Variants in RBFOX1 observed in about 807,000 individuals in gnomAD.
RBFOX1 encodes RNA binding fox-1 homolog 1.
In RBFOX1, 8 loss-of-function variants were observed where a neutral mutation model predicts 57.7. The observed-to-expected ratio is 0.14, with a 90% CI of 0.08 to 0.25. The LOEUF is 0.25. Among genes scored for constraint, RBFOX1 ranks in the 10% least tolerant of loss-of-function variants. The pLI, the probability that RBFOX1 is intolerant of heterozygous loss-of-function variation, is 1.00. For synonymous variants in RBFOX1, 326 were observed against 222.4 expected, an observed-to-expected ratio of 1.47 and a Z score of -4.15; for missense variants, 611 against 548.5, an observed-to-expected ratio of 1.11 and a Z score of -1.14.
intron 4 of RBFOX1, among the ~76,000 whole-genome samples, chr16:6,005,216 G>T (rs1484406996): frequency 6.6e-6 from 1 of 152,188 alleles, no homozygotes; most frequent in African/African-American, 2.4e-5. Context: ...TTCGTGGAAA[G>T]AGGGGAAAAA....
At chr16:6,724,867 T>C (rs1283046370) in intron 3 of RBFOX1, among the ~76,000 whole-genome samples, 1 of 152,116 alleles carries the variant, frequency 6.6e-6, no homozygotes, top group Non-Finnish European at 1.5e-5. Context: ...TTTTTCCTAA[T>C]GCTCTGCCTC....
intron 3 of RBFOX1, among the ~76,000 whole-genome samples, chr16:5,777,180 T>G: frequency 6.6e-6 from 1 of 152,194 alleles, no homozygotes; most frequent in East Asian, 1.9e-4. Context: ...GTTTTCCTCC[T>G]GGAGGCTCCA....
intron 2 of RBFOX1, among the ~76,000 whole-genome samples, chr16:6,469,976 C>T (rs1333994306): frequency 6.6e-6 from 1 of 152,188 alleles, no homozygotes; most frequent in Non-Finnish European, 1.5e-5. Context: ...GTTAACTGAG[C>T]TCTCATTCTA....
rs1045208971 is a variant in RBFOX1, at chr16:5,419,924, A to G, written c.220-47292A>G. ...GACCCTGGTCTTGCAGCCACAAGGA[A>G]AAGCAGCCCATGTGAGCTTGGAGGC... On this transcript the variant is annotated intron_variant, in intron 1 of 2. Transcript: ENST00000585867. 2.8e-4 allele frequency among the ~76,000 whole-genome samples: 43 copies of G among 152,170 alleles called. 1 individual carries two copies. The highest frequency in any genetic ancestry group is 1.0e-3 in the African/African-American group (43 of 41,520).
intron 2 of RBFOX1, among the ~76,000 whole-genome samples, chr16:6,317,643 A>G (rs956401670): frequency 6.6e-6 from 1 of 152,048 alleles, no homozygotes; most frequent in African/African-American, 2.4e-5. Flanking sequence ...TGCCTTTCTC[A>G]TTGCATGCAA....
intron 3 of RBFOX1, among the ~76,000 whole-genome samples, chr16:5,645,929 G>T (rs2049037759): frequency 6.6e-6 from 1 of 152,200 alleles, no homozygotes; most frequent in East Asian, 1.9e-4. Flanking sequence ...TCAAACTCCT[G>T]GGCTCAAGTG....
At chr16:7,504,634 T>G (rs11860331) in intron 4 of RBFOX1, among the ~76,000 whole-genome samples, 26,321 of 140,160 alleles carry the variant, frequency 0.19, 3,136 homozygotes, top group African/African-American at 0.33. Flanking sequence ...TTCAAGACTT[T>G]ATGTTTCCTT....
At chr16:6,340,619 A>G (rs1012729201) in intron 2 of RBFOX1, among the ~76,000 whole-genome samples, 5 of 152,164 alleles carry the variant, frequency 3.3e-5, no homozygotes, top group South Asian at 2.1e-4. Flanking sequence ...CACTGGTGGG[A>G]GTGTAGCAGT....
intron 4 of RBFOX1, among the ~76,000 whole-genome samples, chr16:7,065,613 A>G (rs2055796766): frequency 6.6e-6 from 1 of 152,186 alleles, no homozygotes; most frequent in African/African-American, 2.4e-5. Flanking sequence ...AATTGAACTA[A>G]TTAGCATTGC....
intron 3 of RBFOX1, among the ~76,000 whole-genome samples, chr16:6,854,953 G>A (rs2057552729): frequency 6.6e-6 from 1 of 151,970 alleles, no homozygotes; most frequent in South Asian, 2.1e-4. Context: ...TGATCACCGA[G>A]ATTAGAATCC....
At chr16:6,228,497 T>C (rs554323619) in intron 1 of RBFOX1, among the ~76,000 whole-genome samples, 2 of 151,862 alleles carry the variant, frequency 1.3e-5, no homozygotes, top group Non-Finnish European at 2.9e-5. Context: ...AAGAAGGAAA[T>C]TCTGCCCTTT....
intron 4 of RBFOX1, among the ~76,000 whole-genome samples, chr16:7,489,892 T>C (rs543560132): frequency 6.6e-6 from 1 of 152,262 alleles, no homozygotes; most frequent in East Asian, 1.9e-4. Flanking sequence ...CTTTTAATGA[T>C]GCATGTACAA....
At chr16:5,564,767 C>T (rs1402067329) in intron 2 of RBFOX1, among the ~76,000 whole-genome samples, 3 of 152,124 alleles carry the variant, frequency 2.0e-5, no homozygotes, top group African/African-American at 7.2e-5. Flanking sequence ...TCATCATGGT[C>T]TTCTAGGCAG....
chr16:6,279,267 G>A (rs1314205023), intron 1 of RBFOX1, among the ~76,000 whole-genome samples: 1 of 152,160 alleles, frequency 6.6e-6, no homozygotes, highest in East Asian at 1.9e-4. Context: ...CTGGCACCTA[G>A]CTAAGGAAAT....
At chr16:7,610,386 T>C (rs1235699189) in intron 10 of RBFOX1, among the ~76,000 whole-genome samples, 1 of 152,008 alleles carries the variant, frequency 6.6e-6, no homozygotes, top group East Asian at 1.9e-4. Flanking sequence ...TATTTATTTT[T>C]TTTTTTAATA....
At chr16:6,438,258 A>G (rs1567273374) in intron 2 of RBFOX1, among the ~76,000 whole-genome samples, 1 of 152,204 alleles carries the variant, frequency 6.6e-6, no homozygotes, top group African/African-American at 2.4e-5. Context: ...CCTCACAGGT[A>G]TTAACTAAAT....
chr16:6,351,370 ATATTT>A (rs1567995231), intron 2 of RBFOX1, among the ~76,000 whole-genome samples: 1 of 100,540 alleles, frequency 9.9e-6, no homozygotes, highest in African/African-American at 5.2e-5. Context: ...ATATATATAT[ATATTT>A]TTTTTTTTTT....
At chr16:7,209,820 A>C (rs1020752819) in intron 4 of RBFOX1, among the ~76,000 whole-genome samples, 5 of 152,164 alleles carry the variant, frequency 3.3e-5, no homozygotes, top group African/African-American at 1.2e-4. Flanking sequence ...GATGCAATAG[A>C]TGAATGAGAC....
At chr16:5,868,718 A>T (rs1265161843) in intron 4 of RBFOX1, among the ~76,000 whole-genome samples, 1 of 152,190 alleles carries the variant, frequency 6.6e-6, no homozygotes, top group Non-Finnish European at 1.5e-5. Context: ...AGCAGCCCCC[A>T]CTGTCACCTA....
Sources: allele counts gnomAD v4.1 joint callset (sites outside exome capture counted in the v4.1 genomes callset), GRCh38; gene constraint gnomAD v4.1.1; transcripts MANE v1.5; gene names NCBI Gene and HGNC (gene_info 2026-07-23, HGNC 2026-07-21).